Variants in MARF1 observed in about 807,000 individuals in gnomAD.
The protein encoded by MARF1 is limkain-b1.
In MARF1, 24 loss-of-function variants were observed where a neutral mutation model predicts 168.2. The observed-to-expected ratio is 0.14, with a 90% CI of 0.10 to 0.20. The LOEUF (loss-of-function observed/expected upper bound fraction) is 0.20. MARF1 is among the 10% of genes least tolerant of loss of function. The pLI is 1.00. For missense variants in MARF1, 1,744 were observed against 2,143.6 expected, an observed-to-expected ratio of 0.81 and a Z score of 3.68; for synonymous variants, 868 against 822.4, an observed-to-expected ratio of 1.06 and a Z score of -0.95.
chr16:15,599,175 A>AC, intron 25 of MARF1, 151 bp from the exon 26 acceptor site: 2 of 728,840 alleles, frequency 2.7e-6, no homozygotes, highest in South Asian at 3.5e-5. Flanking sequence ...AAAAAAAAAA[A>AC]CAAAAACCCA....
In MARF1 at chr16:15,610,989, C is replaced by G; in HGVS notation, c.3737G>C (p.Cys1246Ser). 2 of 1,613,626 alleles carry G rather than the reference C, an allele frequency of 1.2e-6. No homozygotes were observed. Among genetic ancestry groups the G allele is most frequent in the South Asian group, 2.2e-5 (2 of 91,046 alleles). Residue 1246 changes from cysteine (C) to serine (S), a missense_variant, in exon 19 of 27, where the codon TGT becomes TCT. By Grantham distance (112) the Cys-to-Ser change is moderately radical. This residue lies in a region of MARF1 where 543 missense variants were observed against 742.1 expected (regional missense o/e 0.73). Transcript: ENST00000396368. ...LSQQDNEMVI[C>S]IPKRERTQDE... ...AAGTCACATACCTCTTTTGGGGATA[C>G]AAATCACCATTTCATTATCTTGTTG... is the stretch of plus-strand genomic sequence containing the variant.
intron 22 of MARF1, chr16:15,602,617 A>AG (rs781600021): frequency 3.4e-5 from 4 of 119,156 alleles, no homozygotes; most frequent in Non-Finnish European, 5.7e-5. Context: ...AGAAAGGAGG[A>AG]GGAGGAAGGA....
rs1308877292 is a variant in MARF1 at position 15,631,450 on chromosome 16, T to G, written c.1282A>C (p.Lys428Gln). ...AATCTGCGGAGACTCTGCCGCAGTT[T>G]ATCATCAGCGGCATTCTTTGCAGTA... Reference protein sequence around the residue: ...NATAKNAADDKLRQSLRRFAN... With the variant: ...NATAKNAADDQLRQSLRRFAN... The change falls in exon 6 of 27, where the codon AAA (lysine) becomes CAA (glutamine). Residue 428 changes from lysine to glutamine, a missense_variant. By Grantham distance (53) the Lys-to-Gln change is moderately conservative (BLOSUM62 1). Coordinates refer to ENST00000396368, the MANE Select transcript of MARF1 (RefSeq NM_014647.4). 6.2e-7 allele frequency: 1 copy of G among 1,613,346 alleles called. No individual in the cohort carries two copies. Among genetic ancestry groups the G allele is most frequent in the Non-Finnish European group, 8.5e-7 (1 of 1,179,468 alleles).
intron 17 of MARF1, 39 bp from the exon 18 acceptor site, chr16:15,611,773 A>T: frequency 6.3e-7 from 1 of 1,579,080 alleles, no homozygotes; most frequent in African/African-American, 1.4e-5. Context: ...ATAAGACCTC[A>T]GCAGACAGCG....
intron 2 of MARF1, among the ~76,000 whole-genome samples, chr16:15,637,662 T>C (rs949140006): frequency 2.0e-5 from 3 of 152,170 alleles, no homozygotes; most frequent in African/African-American, 7.2e-5. Context: ...ATCTGTAAAG[T>C]TGACCGTGTA....
At chr16:15,612,399 G>A (rs577682193) in intron 17 of MARF1, among the ~76,000 whole-genome samples, 158 bp downstream of exon 17, 7 of 152,276 alleles carry the variant, frequency 4.6e-5, no homozygotes, top group African/African-American at 9.6e-5. Flanking sequence ...TTGAGAAGCC[G>A]CCTGTGTGTG....
At chr16:15,615,333 A>T (rs1357694498) in intron 16 of MARF1, among the ~76,000 whole-genome samples, 4 of 152,150 alleles carry the variant, frequency 2.6e-5, no homozygotes, top group Non-Finnish European at 5.9e-5. Context: ...CTATCTAAAA[A>T]ACAAAGTCTA....
intron 2 of MARF1, 150 bp downstream of exon 2, chr16:15,638,940 T>C: frequency 6.8e-6 from 4 of 585,810 alleles, no homozygotes; most frequent in Non-Finnish European, 8.2e-6. Flanking sequence ...GCTCTCACAT[T>C]ATAATGTGGT....
At chr16:15,613,684 T>TAAATAAATAAATAAATA (rs1555524005) in intron 16 of MARF1, among the ~76,000 whole-genome samples, 2,891 of 145,952 alleles carry the variant, frequency 0.02, 69 homozygotes, top group African/African-American at 0.052. Flanking sequence ...AATAAATAAA[T>TAAATAAATAAATAAATA]AAATAAAATA....
At chr16:15,622,235 A>G (rs2034514910) in intron 11 of MARF1, among the ~76,000 whole-genome samples, 1 of 152,156 alleles carries the variant, frequency 6.6e-6, no homozygotes, top group Non-Finnish European at 1.5e-5. Context: ...TTAAGAATCT[A>G]CTAAAAAGGT....
intron 4 of MARF1, among the ~76,000 whole-genome samples, chr16:15,634,485 A>C (rs546556229): frequency 4.6e-5 from 7 of 152,292 alleles, no homozygotes; most frequent in Admixed American, 4.6e-4. Context: ...CTAAGGTGAC[A>C]CCAAGTCTTT....
chr16:15,611,542 A>G (rs1008847398), intron 18 of MARF1, 50 bp downstream of exon 18: 2 of 1,556,298 alleles, frequency 1.3e-6, no homozygotes, highest in Non-Finnish European at 1.8e-6. Flanking sequence ...GGCAGAAGAT[A>G]AAATGTCCTA....
At chr16:15,640,606 G>C (rs1391744721) in intron 1 of MARF1, among the ~76,000 whole-genome samples, 1 of 152,234 alleles carries the variant, frequency 6.6e-6, no homozygotes, top group Non-Finnish European at 1.5e-5. Flanking sequence ...TATGGTGGAA[G>C]AATCACCTAA....
chr16:15,616,496 C>A (rs2034055516), intron 15 of MARF1, among the ~76,000 whole-genome samples: 1 of 152,216 alleles, frequency 6.6e-6, no homozygotes, highest in South Asian at 2.1e-4. Context: ...GAAGAATCTG[C>A]CCTCCTCACG....
In MARF1 at chr16:15,621,775, G is replaced by A; in HGVS notation, c.2597C>T (p.Ser866Leu). ...YKIGSKKILV[S>L]LATGAASKSL... ...TTTGCTGGCAGCCCCGGTGGCAAGT[G>A]AGACCAGGATCTTTTTGCTGCCAAT... The change falls in exon 12 of 27, where the codon TCA becomes TTA. Residue 866 changes from serine (S) to leucine (L), a missense_variant. Coordinates refer to ENST00000396368, the MANE Select transcript of MARF1 (RefSeq NM_014647.4). 1 of 1,614,152 alleles carries A rather than the reference G, an allele frequency of 6.2e-7. No homozygotes were observed. The highest frequency in any genetic ancestry group is 8.5e-7 in the Non-Finnish European group (1 of 1,180,030).
At chr16:15,627,035 G>T (rs184278118) in intron 7 of MARF1, among the ~76,000 whole-genome samples, 2 of 151,508 alleles carry the variant, frequency 1.3e-5, no homozygotes, top group East Asian at 3.9e-4. Context: ...GAGAGAGAGA[G>T]AGAAAGAACG....
chr16:15,634,936 T>G lies in MARF1; in HGVS notation c.832-5A>C, dbSNP rs2035484539. 1 of 1,609,718 alleles carries G rather than the reference T, an allele frequency of 6.2e-7. No homozygotes were observed. The highest frequency in any genetic ancestry group is 8.5e-7 in the Non-Finnish European group (1 of 1,178,090). On this transcript the variant is annotated splice_polypyrimidine_tract_variant and splice_region_variant and intron_variant, in intron 3 of 26. Coordinates refer to ENST00000396368, the MANE Select transcript of MARF1 (RefSeq NM_014647.4). ...GATTATGCTATTTCTTGCTGGCTGT[T>G]TTAAATTTTTTTTAAAAAGGAGGAG...
Position 15,635,836 on chromosome 16 carries a change from G to C in MARF1, c.651C>G (p.Gly217=), listed in dbSNP as rs1457368162. The part of the protein sequence containing the change: ...HKLHQFPSLQ[G]CTSAGYFPCS... Reference sequence around the variant, plus strand: ...AGGGGAAATAGCCAGCGGAGGTGCAGCCCTGCAGACTCGGAAACTGATGCA... The same window carrying C: ...AGGGGAAATAGCCAGCGGAGGTGCACCCCTGCAGACTCGGAAACTGATGCA... The change falls in exon 3 of 27, where the codon GGC becomes GGG. Residue 217 remains glycine, a synonymous_variant. Coordinates refer to ENST00000396368, the MANE Select transcript of MARF1 (RefSeq NM_014647.4). 9 of 1,614,216 alleles carry C rather than the reference G, an allele frequency of 5.6e-6. No individual in the cohort carries two copies. The highest frequency in any genetic ancestry group is 7.6e-6 in the Non-Finnish European group (9 of 1,180,040).
At chr16:15,609,772 A>G (rs1247034721) in intron 19 of MARF1, 47 bp from the exon 20 acceptor site, 4 of 1,518,030 alleles carry the variant, frequency 2.6e-6, no homozygotes, top group African/African-American at 1.4e-5. Context: ...TTTTCTACCC[A>G]TTTGTGTTCA....
Sources: gnomAD v4.1 joint callset for allele counts (sites outside exome capture counted in the v4.1 genomes callset) on GRCh38, gnomAD v4.1.1 for gene constraint, gnomAD v4.1.1 regional missense constraint, MANE v1.5 for transcripts, NCBI Gene and HGNC (gene_info 2026-07-23, HGNC 2026-07-21) for gene names.